HDAC4: variants seen among roughly 807,000 people sequenced by gnomAD.
The protein encoded by HDAC4 is histone deacetylase 4.
Under a neutral mutation model 135.1 loss-of-function variants are expected in HDAC4, and 16 were observed. The ratio of observed to expected loss-of-function variants is 0.12; its 90% CI spans 0.08 to 0.18. HDAC4 has a LOEUF of 0.18. HDAC4 is among the 10% of genes least tolerant of loss of function. HDAC4 has a pLI of 1.00. For missense variants in HDAC4, 1,143 were observed against 1,511.8 expected (o/e 0.76, Z 4.05); for synonymous variants, 685 against 653.4 (o/e 1.05, Z -0.74).
At position 239,048,701 on chromosome 2, in the gene HDAC4, G is replaced by C. The variant is rs1343423373; in HGVS notation, c.*4396C>G. 1 of 152,200 alleles carries C rather than the reference G, an allele frequency of 6.6e-6. No homozygotes were observed. The highest frequency in any genetic ancestry group is 2.4e-5 in the African/African-American group (1 of 41,436). The allele number at this position is 152,200 out of a possible 1,614,324, so 9.4% of individuals were successfully genotyped here. A position where few individuals can be genotyped will look rare whatever the true frequency, so the allele number is the denominator to read the frequency against. ...TGTTCGCTTTCTTTTTCTTTCAATA[G>C]CAGACTTTTAATCAATGCCAGAGAC... On this transcript the variant is annotated 3_prime_UTR_variant, in exon 27 of 27. Coordinates refer to ENST00000543185, the MANE Select transcript of HDAC4 (RefSeq NM_001378414.1).
intron 2 of HDAC4, among the ~76,000 whole-genome samples, chr2:239,280,801 TACAC>T (rs1186849785): frequency 2.0e-5 from 3 of 151,218 alleles, no homozygotes; most frequent in East Asian, 1.9e-4. Flanking sequence ...CACACCACTC[TACAC>T]ACAATGTACA....
chr2:239,247,564 C>T (rs939906605), intron 2 of HDAC4, among the ~76,000 whole-genome samples: 2 of 152,256 alleles, frequency 1.3e-5, no homozygotes, highest in African/African-American at 4.8e-5. Flanking sequence ...ACAAGCTGCT[C>T]ACCAAACGTG....
At chr2:239,228,328 T>G (rs1180398693) in intron 3 of HDAC4, among the ~76,000 whole-genome samples, 1 of 152,120 alleles carries the variant, frequency 6.6e-6, no homozygotes, top group Non-Finnish European at 1.5e-5. Context: ...TTGGAGCAAC[T>G]CAGCTGAGCC....
At chr2:239,275,215 G>T (rs1023335866) in intron 2 of HDAC4, among the ~76,000 whole-genome samples, 2 of 152,338 alleles carry the variant, frequency 1.3e-5, no homozygotes, top group Non-Finnish European at 2.9e-5. Flanking sequence ...CAGACCACCA[G>T]GCCGCGCAGG....
intron 2 of HDAC4, among the ~76,000 whole-genome samples, chr2:239,290,457 G>T (rs1218798964): frequency 6.6e-6 from 1 of 152,180 alleles, no homozygotes; most frequent in African/African-American, 2.4e-5. Flanking sequence ...GGAGAATATG[G>T]TAAAACTGGA....
intron 22 of HDAC4, among the ~76,000 whole-genome samples, chr2:239,076,331 C>A (rs537938629): frequency 6.6e-6 from 1 of 152,332 alleles, no homozygotes; most frequent in Non-Finnish European, 1.5e-5. Context: ...CTGTGCTCTG[C>A]GCAAGGGGCT....
chr2:239,051,199 C>T lies in HDAC4; in HGVS notation c.*1898G>A, dbSNP rs183945787. 4.6e-5 allele frequency: 7 copies of T among 152,616 alleles called. No individual in the cohort carries two copies. The highest frequency in any genetic ancestry group is 1.4e-4 in the African/African-American group (6 of 41,554). The allele number at this position is 152,616 out of a possible 1,614,324, so 9.5% of individuals were successfully genotyped here. A position where few individuals can be genotyped will look rare whatever the true frequency, so the allele number is the denominator to read the frequency against. ...CGGAGGGGAAAAACACACCACCCCT[C>T]GTAATACTACTAGTGTTGAAAGTTA... On this transcript the variant is annotated 3_prime_UTR_variant, in exon 27 of 27. Transcript: ENST00000543185.
intron 4 of HDAC4, 35 bp from the exon 5 acceptor site, chr2:239,176,598 C>T: frequency 6.3e-7 from 1 of 1,596,552 alleles, no homozygotes; most frequent in South Asian, 1.1e-5. Flanking sequence ...CGGTCAGAGC[C>T]CAGGCTCCAC....
intron 2 of HDAC4, among the ~76,000 whole-genome samples, chr2:239,251,012 AAG>A (rs1296673760): frequency 6.6e-6 from 1 of 152,172 alleles, no homozygotes; most frequent in Non-Finnish European, 1.5e-5. Context: ...CACGTCTGGA[AAG>A]AGACTCGTCA....
At position 239,058,365 on chromosome 2, in the gene HDAC4, T is replaced by C. The variant is rs183331294; in HGVS notation, c.3004-3532A>G. Among the ~76,000 whole-genome samples the C allele has an allele frequency of 3.0e-3, 462 of 152,314 alleles. 5 individuals carry two copies. The highest frequency in any genetic ancestry group is 0.011 in the African/African-American group (444 of 41,560). ...AACTGGGGACAAACAATGAATAAGATGCTAAGAAGGCATCTGAAAAAAGGG... is the reference window on the plus strand; with the variant it reads ...AACTGGGGACAAACAATGAATAAGACGCTAAGAAGGCATCTGAAAAAAGGG... On this transcript the variant is annotated intron_variant, in intron 24 of 26. Transcript: ENST00000543185.
Position 239,352,961 on chromosome 2 carries a change from G to A in HDAC4, c.-219-43C>T. On this transcript the variant is annotated intron_variant, in intron 1 of 26. Coordinates refer to ENST00000543185, the MANE Select transcript of HDAC4 (RefSeq NM_001378414.1). The surrounding 1 kb of genome is among the most constrained non-coding windows in gnomAD (Gnocchi z 4.4). The stretch of plus-strand genomic sequence containing the variant: ...GAAAAGAGACTGGAGTTACAACATG[G>A]AAGTTCCGATCTGGAAAACAACATC... The A allele has an allele frequency of 2.0e-6, 1 of 510,434 alleles. No homozygotes were observed. Among genetic ancestry groups the A allele is most frequent in the Non-Finnish European group, 3.5e-6 (1 of 282,014 alleles). 31.6% of individuals were successfully genotyped at this position (510,434 alleles called of 1,614,324 possible).
intron 12 of HDAC4, among the ~76,000 whole-genome samples, chr2:239,118,008 G>A (rs954007349): frequency 2.6e-5 from 4 of 152,170 alleles, no homozygotes; most frequent in Non-Finnish European, 2.9e-5. Context: ...GAACTACGGG[G>A]CACGGGTTGG....
At chr2:239,301,654 T>C (rs1315119653) in intron 2 of HDAC4, among the ~76,000 whole-genome samples, 2 of 152,042 alleles carry the variant, frequency 1.3e-5, no homozygotes, top group Non-Finnish European at 1.5e-5. Context: ...CTAATGTTTT[T>C]AATCTTTTCT....
At chr2:239,086,743 G>C (rs1004453521) in intron 19 of HDAC4, among the ~76,000 whole-genome samples, 1 of 152,172 alleles carries the variant, frequency 6.6e-6, no homozygotes, top group African/African-American at 2.4e-5. Context: ...TTGTTCTTGC[G>C]TTGCCATCTG....
intron 22 of HDAC4, among the ~76,000 whole-genome samples, chr2:239,078,360 G>C (rs1185215783): frequency 6.6e-6 from 1 of 152,174 alleles, no homozygotes; most frequent in Non-Finnish European, 1.5e-5. Context: ...GCAGGCAACG[G>C]GTCTGAATAA....
rs1341162389 is a variant in HDAC4, at chr2:239,068,352, T to C, written c.2869+137A>G. On this transcript the variant is annotated intron_variant, in intron 23 of 26. Coordinates refer to ENST00000543185, the MANE Select transcript of HDAC4 (RefSeq NM_001378414.1). The surrounding 1 kb of genome is among the most constrained non-coding windows in gnomAD (Gnocchi z 4.4). ...GCCTCCCAAATGGACTGGTTCCCAG[T>C]ACGGTCAGAACCTTGGTCATTAGTA... 1 of 677,328 alleles carries C rather than the reference T, an allele frequency of 1.5e-6. No homozygotes were observed. The highest frequency in any genetic ancestry group is 2.2e-5 in the Admixed American group (1 of 45,362). The allele number at this position is 677,328 out of a possible 1,614,324, so 42.0% of individuals were successfully genotyped here.
chr2:239,075,093 G>A (rs562101194), intron 22 of HDAC4, among the ~76,000 whole-genome samples: 69 of 151,788 alleles, frequency 4.5e-4, no homozygotes, highest in African/African-American at 1.6e-3. Flanking sequence ...GCGTGGTGGC[G>A]GGTGCCTGTA....
chr2:239,401,236 A>G (rs1696975337), upstream of HDAC4, among the ~76,000 whole-genome samples: 1 of 151,744 alleles, frequency 6.6e-6, no homozygotes, highest in South Asian at 2.1e-4. Flanking sequence ...GGCCCGCTGA[A>G]ACCTGCGCAC....
rs564009265 is a variant in HDAC4 at position 239,266,645 on chromosome 2, T to G, written c.23-29981A>C. ...CTTCCACACACCCAAAGGCAAGCGC[T>G]GCAGCTCACAGCTCACATCCCACCC... On this transcript the variant is annotated intron_variant, in intron 2 of 26. Coordinates refer to ENST00000543185, the MANE Select transcript of HDAC4 (RefSeq NM_001378414.1). Among the ~76,000 whole-genome samples, 55 of 152,302 alleles carry G rather than the reference T, an allele frequency of 3.6e-4. 1 individual carries two copies. The highest frequency in any genetic ancestry group is 1.3e-3 in the African/African-American group (52 of 41,566).
Sources: allele counts gnomAD v4.1 joint callset (sites outside exome capture counted in the v4.1 genomes callset), GRCh38; gene constraint gnomAD v4.1.1; non-coding constraint Gnocchi (gnomAD v3.1); transcripts MANE v1.5; gene names NCBI Gene and HGNC (gene_info 2026-07-23, HGNC 2026-07-21).